The following UTP23 variants were observed in gnomAD, a reference collection of about 807,000 sequenced individuals.
The protein encoded by UTP23 is rRNA-processing protein UTP23 homolog.
In UTP23, 10 loss-of-function variants were observed where a neutral mutation model predicts 19.8. That is an observed-to-expected ratio of 0.50 (90% CI 0.31 to 0.86). UTP23 has a LOEUF of 0.86. Among genes scored for constraint, UTP23 ranks in the 40% least tolerant of loss-of-function variants. The pLI, the probability that UTP23 is intolerant of heterozygous loss-of-function variation, is 0.05. For missense variants in UTP23, 282 were observed against 293.1 expected (o/e 0.96, Z 0.28); for synonymous variants, 108 against 105.4 (o/e 1.02, Z -0.15).
Position 116,766,680 on chromosome 8 carries a change from A to G in UTP23, c.77A>G (p.Tyr26Cys), listed in dbSNP as rs1351035599. The change falls in exon 1 of 3, where the codon TAC (tyrosine) becomes TGC (cysteine). Residue 26 changes from tyrosine (Y) to cysteine (C), a missense_variant. By Grantham distance (194) the Tyr-to-Cys change is radical. Coordinates refer to ENST00000309822, the MANE Select transcript of UTP23 (RefSeq NM_032334.3). Reference sequence around the variant, plus strand: ...AACAACTTCGGAGTCCGCGAGCCGTACCAGATCCTGCTGGACGGCACCTTC... The same window carrying G: ...AACAACTTCGGAGTCCGCGAGCCGTGCCAGATCCTGCTGGACGGCACCTTC... ...FRNNFGVREP[Y>C]QILLDGTFCQ... The G allele has an allele frequency of 6.2e-7, 1 of 1,613,764 alleles. No homozygotes were observed. The highest frequency in any genetic ancestry group is 1.1e-5 in the South Asian group (1 of 91,036).
intron 1 of UTP23, 188 bp downstream of exon 1, chr8:116,766,979 G>A: frequency 1.8e-6 from 1 of 550,708 alleles, no homozygotes; most frequent in Admixed American, 3.8e-5. Flanking sequence ...ATTGGACAGT[G>A]CCCTGTGAAT....
intron 1 of UTP23, among the ~76,000 whole-genome samples, chr8:116,767,839 C>G (rs913840406): frequency 6.6e-6 from 1 of 152,160 alleles, no homozygotes; most frequent in Non-Finnish European, 1.5e-5. Context: ...TAAAATGACT[C>G]ATAATACCAC....
Position 116,773,213 on chromosome 8 carries a change from G to A in UTP23, c.*1371G>A. 1.0e-6 allele frequency: 1 copy of A among 985,254 alleles called. No individual in the cohort carries two copies. The highest frequency in any genetic ancestry group is 1.7e-5 in the African/African-American group (1 of 57,330). 61.0% of individuals were successfully genotyped at this position (985,254 alleles called of 1,614,324 possible). A position where few individuals can be genotyped will look rare whatever the true frequency, so the allele number is the denominator to read the frequency against. The stretch of plus-strand genomic sequence containing the variant: ...TTGATGGTAGAAACATTTTTAATAA[G>A]GAAGGTAAAAATACTGGAAAAAAGT... On this transcript the variant is annotated 3_prime_UTR_variant, in exon 3 of 3. Transcript: ENST00000309822.
At position 116,774,644 on chromosome 8, in the gene UTP23, G is replaced by T; in HGVS notation, c.*2802G>T. The T allele has an allele frequency of 1.3e-6, 1 of 794,486 alleles. No homozygotes were observed. The highest frequency in any genetic ancestry group is 1.5e-6 in the Non-Finnish European group (1 of 657,794). The allele number at this position is 794,486 out of a possible 1,614,324, so 49.2% of individuals were successfully genotyped here. ...TCCATACGGGAATATATTAGTCATTGATGTATTTTGCCGGTAAAATTAAAA... is the reference window on the plus strand; with the variant it reads ...TCCATACGGGAATATATTAGTCATTTATGTATTTTGCCGGTAAAATTAAAA... On this transcript the variant is annotated 3_prime_UTR_variant, in exon 3 of 3. Coordinates refer to ENST00000309822, the MANE Select transcript of UTP23 (RefSeq NM_032334.3).
intron 2 of UTP23, chr8:116,770,632 C>A (rs77268128): frequency 0.049 from 14,751 of 298,826 alleles, 607 homozygotes; most frequent in Admixed American, 0.15. Flanking sequence ...TTTCTTGAGA[C>A]TTGAGGGTCT....
At chr8:116,770,429 T>A in intron 2 of UTP23, 63 bp downstream of exon 2, 1 of 1,463,272 alleles carries the variant, frequency 6.8e-7, no homozygotes, top group Non-Finnish European at 9.2e-7. Flanking sequence ...CATATGGAGC[T>A]ATTTATAATC....
At chr8:116,767,101 C>T (rs760653714) in intron 1 of UTP23, among the ~76,000 whole-genome samples, 1 of 152,190 alleles carries the variant, frequency 6.6e-6, no homozygotes, top group African/African-American at 2.4e-5. Flanking sequence ...TATTTAGCCT[C>T]TCTGAGCCTC....
chr8:116,771,570 G>C lies in UTP23; in HGVS notation c.478G>C (p.Ala160Pro). The change falls in exon 3 of 3, where the codon GCA becomes CCA. Residue 160 changes from alanine (A) to proline (P), a missense_variant. By Grantham distance (27) the Ala-to-Pro change is conservative. Coordinates refer to ENST00000309822, the MANE Select transcript of UTP23 (RefSeq NM_032334.3). ...PSPKTIAFVK[A>P]VESGQLVSVH... is the part of the protein sequence containing the mutation. ...TCCCAAAACAATTGCCTTTGTAAAA[G>C]CAGTGGAGTCAGGTCAGCTTGTCTC... The C allele has an allele frequency of 6.2e-7, 1 of 1,613,040 alleles. No individual in the cohort carries two copies. Among genetic ancestry groups the C allele is most frequent in the Non-Finnish European group, 8.5e-7 (1 of 1,179,750 alleles).
chr8:116,772,899 A>C lies in UTP23; in HGVS notation c.*1057A>C. ...AGATGGAAGTATAAAATTATTGGAC[A>C]AGTGAAATCGTATCAGTAGTTCCTG... On this transcript the variant is annotated 3_prime_UTR_variant, in exon 3 of 3. Coordinates refer to ENST00000309822, the MANE Select transcript of UTP23 (RefSeq NM_032334.3). The C allele has an allele frequency of 1.0e-6, 1 of 985,470 alleles. No homozygotes were observed. The highest frequency in any genetic ancestry group is 1.2e-6 in the Non-Finnish European group (1 of 829,934). The allele number at this position is 985,470 out of a possible 1,614,324, so 61.0% of individuals were successfully genotyped here.
rs1815667074 is a variant in UTP23 at position 116,772,219 on chromosome 8, A to G, written c.*377A>G. On this transcript the variant is annotated 3_prime_UTR_variant, in exon 3 of 3. Transcript: ENST00000309822. The stretch of plus-strand genomic sequence containing the variant: ...AAAACAGTGAATGGGTGTAGGTGTG[A>G]TGGAATTCACTTTACTTACTAAATG... The G allele has an allele frequency of 1.0e-6, 1 of 989,266 alleles. No homozygotes were observed. Among genetic ancestry groups the G allele is most frequent in the Admixed American group, 6.1e-5 (1 of 16,374 alleles). The allele number at this position is 989,266 out of a possible 1,614,324, so 61.3% of individuals were successfully genotyped here.
At position 116,773,143 on chromosome 8, in the gene UTP23, C is replaced by G; in HGVS notation, c.*1301C>G. On this transcript the variant is annotated 3_prime_UTR_variant, in exon 3 of 3. Coordinates refer to ENST00000309822, the MANE Select transcript of UTP23 (RefSeq NM_032334.3). Reference sequence around the variant, plus strand: ...TGACACGTAGACTAATCTGGCAAGCCAAGGTAGTGTTTGGATTGCAATGTC... The same window carrying G: ...TGACACGTAGACTAATCTGGCAAGCGAAGGTAGTGTTTGGATTGCAATGTC... 1.0e-6 allele frequency: 1 copy of G among 985,306 alleles called. No homozygotes were observed. Among genetic ancestry groups the G allele is most frequent in the Non-Finnish European group, 1.2e-6 (1 of 829,916 alleles). 61.0% of individuals were successfully genotyped at this position (985,306 alleles called of 1,614,324 possible).
intron 1 of UTP23, among the ~76,000 whole-genome samples, chr8:116,769,422 G>T (rs773411298): frequency 2.6e-5 from 4 of 152,134 alleles, no homozygotes; most frequent in African/African-American, 7.2e-5. Flanking sequence ...TCTATCTAGG[G>T]TGTCTGGGAA....
Position 116,774,501 on chromosome 8 carries a change from A to G in UTP23, c.*2659A>G, listed in dbSNP as rs527380000. 3 of 853,022 alleles carry G rather than the reference A, an allele frequency of 3.5e-6. No homozygotes were observed. Among genetic ancestry groups the G allele is most frequent in the Non-Finnish European group, 4.2e-6 (3 of 709,994 alleles). 52.8% of individuals were successfully genotyped at this position (853,022 alleles called of 1,614,324 possible). ...TTTGCTTACTATCTATATATATGAC[A>G]TTATTCCCAATTAGTTTTATATCTC... On this transcript the variant is annotated 3_prime_UTR_variant, in exon 3 of 3. Coordinates refer to ENST00000309822, the MANE Select transcript of UTP23 (RefSeq NM_032334.3).
Position 116,774,023 on chromosome 8 carries a change from G to A in UTP23, c.*2181G>A, listed in dbSNP as rs563189729. On this transcript the variant is annotated 3_prime_UTR_variant, in exon 3 of 3. Coordinates refer to ENST00000309822, the MANE Select transcript of UTP23 (RefSeq NM_032334.3). ...TACAACTTGGGGAAGGGAACCATGG[G>A]AGTATGCACATGGGATCATAATCCA... is the stretch of plus-strand genomic sequence containing the variant. 1.0e-5 allele frequency: 10 copies of A among 985,262 alleles called. No individual in the cohort carries two copies. In the South Asian group the frequency reaches 4.2e-4, roughly 42 times the overall value. 61.0% of individuals were successfully genotyped at this position (985,262 alleles called of 1,614,324 possible).
rs139278478 is a variant in UTP23 at position 116,771,616 on chromosome 8, T to C, written c.524T>C (p.Ile175Thr). ...QLVSVHEKES[I>T]KHLKEEQGLV... is the part of the protein sequence containing the mutation. ...GTCTCAGTGCATGAGAAAGAAAGTA[T>C]CAAACATCTCAAAGAGGAACAGGGT... Residue 175 changes from isoleucine to threonine, a missense_variant, in exon 3 of 3, where the codon ATC becomes ACC. By Grantham distance (89) the Ile-to-Thr change is moderately conservative (BLOSUM62 -1). Coordinates refer to ENST00000309822, the MANE Select transcript of UTP23 (RefSeq NM_032334.3). The C allele has an allele frequency of 9.9e-6, 16 of 1,611,134 alleles. No individual in the cohort carries two copies. The African/African-American group carries it at 2.1e-4, about 22-fold the overall frequency.
At chr8:116,770,132 A>G (rs749426819) in intron 1 of UTP23, 60 bp from the exon 2 acceptor site, 191 of 1,417,216 alleles carry the variant, frequency 1.3e-4, no homozygotes, top group Non-Finnish European at 1.8e-4. Context: ...AAAATCGACT[A>G]TTGTTTTTTA....
At chr8:116,768,758 G>C (rs1371036276) in intron 1 of UTP23, among the ~76,000 whole-genome samples, 6 of 152,100 alleles carry the variant, frequency 3.9e-5, no homozygotes, top group African/African-American at 1.4e-4. Flanking sequence ...TCCGCCTCCC[G>C]GGTTCAAGTG....
chr8:116,772,977 G>T lies in UTP23; in HGVS notation c.*1135G>T. 1 of 985,378 alleles carries T rather than the reference G, an allele frequency of 1.0e-6. No homozygotes were observed. The highest frequency in any genetic ancestry group is 1.2e-6 in the Non-Finnish European group (1 of 829,898). The allele number at this position is 985,378 out of a possible 1,614,324, so 61.0% of individuals were successfully genotyped here. ...GCAGTGATTCTCAGTCTAACATTAG[G>T]TTATCATGATGACGTATGAGTAAAT... On this transcript the variant is annotated 3_prime_UTR_variant, in exon 3 of 3. Coordinates refer to ENST00000309822, the MANE Select transcript of UTP23 (RefSeq NM_032334.3).
In UTP23 at chr8:116,773,401, A is replaced by G. The variant is rs1286949952; in HGVS notation, c.*1559A>G. ...TAGGTATTACTCTTAATCTATTTCT[A>G]CTTAGTCAGTGCTATCTGATTACCT... is the stretch of plus-strand genomic sequence containing the variant. On this transcript the variant is annotated 3_prime_UTR_variant, in exon 3 of 3. Coordinates refer to ENST00000309822, the MANE Select transcript of UTP23 (RefSeq NM_032334.3). 1.0e-6 allele frequency: 1 copy of G among 978,404 alleles called. No individual in the cohort carries two copies. The highest frequency in any genetic ancestry group is 1.2e-6 in the Non-Finnish European group (1 of 823,664). 60.6% of individuals were successfully genotyped at this position (978,404 alleles called of 1,614,324 possible).
Sources: gnomAD v4.1 joint callset for allele counts (sites outside exome capture counted in the v4.1 genomes callset) on GRCh38, gnomAD v4.1.1 for gene constraint, MANE v1.5 for transcripts, NCBI Gene and HGNC (gene_info 2026-07-23, HGNC 2026-07-21) for gene names.